ALPK2: variants seen among roughly 807,000 people sequenced by gnomAD.
ALPK2 encodes the protein alpha kinase 2.
A neutral mutation model predicts 163.1 loss-of-function variants in ALPK2; 127 were observed. That is an observed-to-expected ratio of 0.78 (90% confidence interval 0.67 to 0.90). ALPK2 has a LOEUF of 0.90. ALPK2 is among the 40% of genes least tolerant of loss of function. The pLI is 0.00. For missense variants in ALPK2, 2,360 were observed against 2,589.6 expected (o/e 0.91, Z 1.92); for synonymous variants, 953 against 959.1 (o/e 0.99, Z 0.12).
At chr18:58,520,017 C>A (rs1302998193) in intron 8 of ALPK2, among the ~76,000 whole-genome samples, 1 of 152,170 alleles carries the variant, frequency 6.6e-6, no homozygotes, top group Non-Finnish European at 1.5e-5. Context: ...TGTAGCACTG[C>A]AAGTCTCAGG....
chr18:58,607,465 CT>C, intron 2 of ALPK2, 26 bp from the exon 3 acceptor site: 1 of 1,431,992 alleles, frequency 7.0e-7, no homozygotes. Flanking sequence ...GAAAAGTATC[CT>C]TATTAGTTTA....
chr18:58,561,170 T>C (rs2051823844), intron 4 of ALPK2, among the ~76,000 whole-genome samples: 1 of 152,222 alleles, frequency 6.6e-6, no homozygotes, highest in Non-Finnish European at 1.5e-5. Flanking sequence ...ATATAAAATC[T>C]AGCAGGGGAG....
At chr18:58,587,134 A>G (rs1211975467) in intron 3 of ALPK2, among the ~76,000 whole-genome samples, 1 of 152,204 alleles carries the variant, frequency 6.6e-6, no homozygotes, top group Admixed American at 6.5e-5. Context: ...CAGCCCCTCA[A>G]TAAACTGGGA....
At position 58,523,939 on chromosome 18, in the gene ALPK2, A is replaced by G. The variant is rs1024446385; in HGVS notation, c.5625T>C (p.Ala1875=). The G allele has an allele frequency of 5.0e-6, 8 of 1,614,154 alleles. No homozygotes were observed. Among genetic ancestry groups the G allele is most frequent in the Non-Finnish European group, 6.8e-6 (8 of 1,180,000 alleles). The change falls in exon 7 of 13, where the codon GCT becomes GCC. Residue 1875 remains alanine, a synonymous_variant. Coordinates refer to ENST00000361673, the MANE Select transcript of ALPK2 (RefSeq NM_052947.4). ...TCATTGAAAACTGTGGTTTACCTTC[A>G]GCTGTGAGGTTAAATTCAGCAGTCA... ...GKVTAEFNLT[A]EVLKQLSSRQ... is the part of the protein sequence containing the mutation.
At chr18:58,582,884 T>G (rs1466991790) in intron 3 of ALPK2, among the ~76,000 whole-genome samples, 1 of 152,080 alleles carries the variant, frequency 6.6e-6, no homozygotes, top group African/African-American at 2.4e-5. Flanking sequence ...CCCTAAAGAG[T>G]TGAAGCCAGC....
At chr18:58,552,217 C>T (rs2051763567) in intron 4 of ALPK2, among the ~76,000 whole-genome samples, 1 of 152,220 alleles carries the variant, frequency 6.6e-6, no homozygotes, top group South Asian at 2.1e-4. Context: ...TGCCCTACCT[C>T]CCACCCCAAC....
chr18:58,497,792 T>C (rs2051408697), intron 12 of ALPK2, among the ~76,000 whole-genome samples: 1 of 152,238 alleles, frequency 6.6e-6, no homozygotes, highest in Non-Finnish European at 1.5e-5. Context: ...GTGGTACTCC[T>C]ATTGGTTATT....
chr18:58,519,569 T>C (rs1030152357), intron 8 of ALPK2, among the ~76,000 whole-genome samples: 5 of 152,254 alleles, frequency 3.3e-5, no homozygotes, highest in African/African-American at 1.2e-4. Context: ...GGAAAATTTG[T>C]TTGTATAGTA....
At chr18:58,548,611 G>A (rs1479627574) in intron 4 of ALPK2, among the ~76,000 whole-genome samples, 1 of 152,054 alleles carries the variant, frequency 6.6e-6, no homozygotes, top group South Asian at 2.1e-4. Context: ...GTGAGTCACC[G>A]CGCCCAGCCA....
chr18:58,579,586 G>A lies in ALPK2; in HGVS notation c.1190C>T (p.Thr397Ile), dbSNP rs79863383. 0.027 allele frequency: 42,834 copies of A among 1,613,596 alleles called. 690 individuals are homozygous for A. The highest frequency in any genetic ancestry group is 0.032 in the South Asian group (2,920 of 91,062). ...VSGDAGPMVA[T>I]AGFCGHHSQP... is the part of the protein sequence containing the mutation. Reference sequence around the variant, plus strand: ...TGAGTGATGACCACAGAAGCCAGCAGTGGCAACCATAGGCCCAGCGTCACC... The same window carrying A: ...TGAGTGATGACCACAGAAGCCAGCAATGGCAACCATAGGCCCAGCGTCACC... The change falls in exon 4 of 13, where the codon ACT becomes ATT. Residue 397 changes from threonine (T) to isoleucine (I), a missense_variant. Transcript: ENST00000361673.
intron 11 of ALPK2, among the ~76,000 whole-genome samples, chr18:58,503,589 C>T (rs190959470): frequency 2.6e-4 from 39 of 152,264 alleles, no homozygotes; most frequent in Non-Finnish European, 5.1e-4. Context: ...GTCTCAGCTA[C>T]TCTGGAGGCT....
At chr18:58,504,796 G>A (rs889614250) in intron 10 of ALPK2, among the ~76,000 whole-genome samples, 15 of 152,180 alleles carry the variant, frequency 9.9e-5, no homozygotes, top group Non-Finnish European at 1.8e-4. Context: ...ATGTAGGGAG[G>A]TCAGAGCAGC....
chr18:58,488,574 A>G (rs1456344265), intron 12 of ALPK2, among the ~76,000 whole-genome samples: 3 of 151,294 alleles, frequency 2.0e-5, no homozygotes, highest in South Asian at 4.3e-4. Context: ...GGCTGGCTTA[A>G]TAAAGGAAAT....
chr18:58,543,034 T>A lies in ALPK2; in HGVS notation c.1963-4810A>T, dbSNP rs533153559. ...TGCCCTCATAGAGGGATTAATCCATTTATGGATTAATGAATTAATGGGCTG... is the reference window on the plus strand; with the variant it reads ...TGCCCTCATAGAGGGATTAATCCATATATGGATTAATGAATTAATGGGCTG... On this transcript the variant is annotated intron_variant, in intron 4 of 12. Coordinates refer to ENST00000361673, the MANE Select transcript of ALPK2 (RefSeq NM_052947.4). Among the ~76,000 whole-genome samples, 78 of 152,254 alleles carry A rather than the reference T, an allele frequency of 5.1e-4. 2 individuals are homozygous for A. The South Asian group carries it at 0.016, about 31-fold the overall frequency.
chr18:58,515,288 G>T (rs947499677), intron 9 of ALPK2, among the ~76,000 whole-genome samples: 1 of 152,088 alleles, frequency 6.6e-6, no homozygotes, highest in Non-Finnish European at 1.5e-5. Context: ...GGAACTGTCC[G>T]GGTGGAGATC....
chr18:58,582,686 C>A (rs1411123592), intron 3 of ALPK2, among the ~76,000 whole-genome samples: 2 of 151,968 alleles, frequency 1.3e-5, no homozygotes, highest in African/African-American at 4.8e-5. Flanking sequence ...GTCAGTTTTA[C>A]AGTTTGGTTT....
intron 12 of ALPK2, among the ~76,000 whole-genome samples, chr18:58,482,981 T>A (rs2051319358): frequency 6.6e-6 from 1 of 152,172 alleles, no homozygotes; most frequent in African/African-American, 2.4e-5. Flanking sequence ...CCTGCAGGTC[T>A]TCCTGCCAGC....
At chr18:58,613,455 G>A (rs2052145626) in intron 1 of ALPK2, among the ~76,000 whole-genome samples, 1 of 152,156 alleles carries the variant, frequency 6.6e-6, no homozygotes, top group African/African-American at 2.4e-5. Context: ...AGCACTTTGG[G>A]AGGCTGAGGC....
chr18:58,611,613 T>TAAAG (rs2052131817), intron 2 of ALPK2, 76 bp downstream of exon 2: 1 of 1,294,974 alleles, frequency 7.7e-7, no homozygotes. Context: ...GATGTTTTAG[T>TAAAG]AATGCCTTTG....
Sources: allele counts gnomAD v4.1 joint callset (sites outside exome capture counted in the v4.1 genomes callset), GRCh38; gene constraint gnomAD v4.1.1; transcripts MANE v1.5; gene names NCBI Gene and HGNC (gene_info 2026-07-23, HGNC 2026-07-21).